The following TMPRSS7 variants were observed in gnomAD, a reference collection of about 807,000 sequenced individuals.
The protein encoded by TMPRSS7 is transmembrane protease serine 7.
Under a neutral mutation model 95.6 loss-of-function variants are expected in TMPRSS7, and 81 were observed. The observed-to-expected ratio is 0.85, with a 90% CI of 0.71 to 1.02. The LOEUF (loss-of-function observed/expected upper bound fraction) is 1.02, where lower values mean the gene tolerates loss of function less well. TMPRSS7 is among the 50% of genes least tolerant of loss of function. TMPRSS7 has a pLI of 0.00. For synonymous variants in TMPRSS7, 364 were observed against 337.8 expected (o/e 1.08, Z -0.85); for missense variants, 945 against 955.2 (o/e 0.99, Z 0.14).
chr3:112,057,221 A>G (rs1472198261), intron 10 of TMPRSS7, 90 bp downstream of exon 10: 2 of 942,060 alleles, frequency 2.1e-6, no homozygotes, highest in East Asian at 2.5e-5. Context: ...TTTGCGCTTT[A>G]CCATTTACAG....
chr3:112,076,930 T>G, exon 16 of TMPRSS7: 2 of 1,614,224 alleles, frequency 1.2e-6, no homozygotes, highest in Non-Finnish European at 8.5e-7. Context: ...TTCAGGGGAA[T>G]GCCAAGTTTG....
At chr3:112,056,794 A>G (rs17443498) in intron 9 of TMPRSS7, among the ~76,000 whole-genome samples, 35,726 of 152,108 alleles carry the variant, frequency 0.23, 4,370 homozygotes, top group South Asian at 0.28. Context: ...GATAAGTCTC[A>G]AGTCACCCCG....
chr3:112,080,572 T>TACCACCACC (rs3082394), intron 17 of TMPRSS7, among the ~76,000 whole-genome samples: 1 of 150,414 alleles, frequency 6.6e-6, no homozygotes, highest in South Asian at 2.1e-4. Context: ...CTACTACTAT[T>TACCACCACC]ACCACCACCA....
chr3:112,047,717 G>A, intron 6 of TMPRSS7, 22 bp from the exon 7 acceptor site: 1 of 1,530,696 alleles, frequency 6.5e-7, no homozygotes, highest in Non-Finnish European at 8.9e-7. Flanking sequence ...GAAAATAAAG[G>A]AAAATGGTGC....
At position 112,073,559 on chromosome 3, in the gene TMPRSS7, A is replaced by G. The variant is rs562983627; in HGVS notation, c.1667-737A>G. 2.6e-5 allele frequency among the ~76,000 whole-genome samples: 4 copies of G among 152,120 alleles called. No individual in the cohort carries two copies. The South Asian group carries it at 8.3e-4, about 32-fold the overall frequency. ...CTTCTTTTGAGAAGTGTCTGTTCAT[A>G]TCCTTTGCCCACTTTTTGATGGGGT... is the stretch of plus-strand genomic sequence containing the variant. On this transcript the variant is annotated intron_variant, in intron 13 of 17. Transcript: ENST00000452346.
intron 13 of TMPRSS7, among the ~76,000 whole-genome samples, chr3:112,069,682 A>ATT (rs546921912): frequency 0.03 from 4,540 of 152,192 alleles, 189 homozygotes; most frequent in African/African-American, 0.088. Context: ...CCCCTTTATC[A>ATT]TTTTTTATTG....
At chr3:112,039,797 T>G (rs1359098633) in intron 2 of TMPRSS7, 1 of 152,266 alleles carries the variant, frequency 6.6e-6, no homozygotes, top group East Asian at 1.9e-4. Flanking sequence ...TAGCAAATTA[T>G]GAAACCTGAG....
In TMPRSS7 at chr3:112,071,220, G is replaced by A. The variant is rs570661365; in HGVS notation, c.1667-3076G>A. On this transcript the variant is annotated intron_variant, in intron 13 of 17. Transcript: ENST00000452346. The stretch of plus-strand genomic sequence containing the variant: ...TCACTTATGAAGCTTAGTTTGGCTG[G>A]ATATGAAATTCTGGGTTGAAAATTC... Among the ~76,000 whole-genome samples, 3 of 152,258 alleles carry A rather than the reference G, an allele frequency of 2.0e-5. No individual in the cohort carries two copies. The South Asian group carries it at 6.2e-4, about 32-fold the overall frequency.
At chr3:112,039,272 A>T (rs2197206) in intron 2 of TMPRSS7, among the ~76,000 whole-genome samples, 2 of 152,118 alleles carry the variant, frequency 1.3e-5, no homozygotes, top group Admixed American at 1.3e-4. Context: ...TGTGAAATAC[A>T]TAGTTATTCT....
rs1158538218 is a variant in TMPRSS7, at chr3:112,066,466, T to TG, written c.1631dup (p.Cys544TrpfsTer2). 4 of 1,614,004 alleles carry TG rather than the reference T, an allele frequency of 2.5e-6. No individual in the cohort carries two copies. The highest frequency in any genetic ancestry group is 1.1e-5 in the South Asian group (1 of 91,074). On this transcript the variant is annotated frameshift_variant, in exon 13 of 18. Transcript: ENST00000452346. LOFTEE classifies it high-confidence loss of function. ...TCTCATCTGTGATGGCTTCAGGGAC[T>TG]GTGAGAATGGCCGGGATGAGCAAAA... is the stretch of plus-strand genomic sequence containing the variant.
At chr3:112,064,346 G>C (rs1332179900) in intron 12 of TMPRSS7, among the ~76,000 whole-genome samples, 3 of 13,526 alleles carry the variant, frequency 2.2e-4, no homozygotes, top group South Asian at 0.011. Flanking sequence ...TTGTGTGTGT[G>C]TTTTCTTTTC....
In TMPRSS7 at chr3:112,066,372, G is replaced by A. The variant is rs375330881; in HGVS notation, c.1556-20G>A. 1.2e-5 allele frequency: 19 copies of A among 1,611,292 alleles called. No homozygotes were observed. In the African/African-American group the frequency reaches 2.4e-4, roughly 20 times the overall value. On this transcript the variant is annotated intron_variant, in intron 12 of 17. Transcript: ENST00000452346. ...GGTGTCTCAGGCTCGTGAACTTTCT[G>A]TTTTTATTTTTTATTCTAGTGAGCC...
chr3:112,055,342 G>T (rs957581016), intron 9 of TMPRSS7, among the ~76,000 whole-genome samples: 1 of 152,072 alleles, frequency 6.6e-6, no homozygotes, highest in Non-Finnish European at 1.5e-5. Context: ...GGGTTGTTGT[G>T]ATGTTTAAGT....
intron 13 of TMPRSS7, among the ~76,000 whole-genome samples, chr3:112,074,090 G>A (rs919525182): frequency 1.3e-5 from 2 of 152,236 alleles, no homozygotes; most frequent in South Asian, 4.1e-4. Context: ...AAATATGCCT[G>A]CCAGCGTTCA....
intron 13 of TMPRSS7, among the ~76,000 whole-genome samples, chr3:112,072,426 G>A (rs533671558): frequency 5.9e-5 from 9 of 152,352 alleles, no homozygotes; most frequent in African/African-American, 1.7e-4. Context: ...ACAGGGGTCA[G>A]GGACCCACTT....
chr3:112,061,961 T>A, intron 11 of TMPRSS7, 38 bp downstream of exon 11: 1 of 1,528,504 alleles, frequency 6.5e-7, no homozygotes, highest in Non-Finnish European at 8.8e-7. Flanking sequence ...AACTTAATAC[T>A]TACATAGAGG....
chr3:112,041,828 T>G (rs2073213550), intron 2 of TMPRSS7, 92 bp from the exon 3 acceptor site: 2 of 823,368 alleles, frequency 2.4e-6, no homozygotes, highest in Admixed American at 2.4e-5. Flanking sequence ...AATAAAATTA[T>G]TTTAGGAGCC....
At chr3:112,077,516 G>A (rs2073726489) in intron 16 of TMPRSS7, among the ~76,000 whole-genome samples, 3 of 152,160 alleles carry the variant, frequency 2.0e-5, no homozygotes, top group Admixed American at 2.0e-4. Flanking sequence ...GGACACACAT[G>A]CACATCCCAC....
At chr3:112,051,261 A>G (rs1288724634) in intron 9 of TMPRSS7, among the ~76,000 whole-genome samples, 1 of 152,208 alleles carries the variant, frequency 6.6e-6, no homozygotes, top group East Asian at 1.9e-4. Context: ...ACAAATAAAA[A>G]ACAATACAAT....
Sources: allele counts gnomAD v4.1 joint callset (sites outside exome capture counted in the v4.1 genomes callset), GRCh38; gene constraint gnomAD v4.1.1; transcripts MANE v1.5; gene names NCBI Gene and HGNC (gene_info 2026-07-23, HGNC 2026-07-21).